The following MACROD2 variants were observed in gnomAD, a reference collection of about 807,000 sequenced individuals.
The protein encoded by MACROD2 is mono-ADP ribosylhydrolase 2.
Under a neutral mutation model 70.4 loss-of-function variants are expected in MACROD2, and 36 were observed. That is an observed-to-expected ratio of 0.51 (90% CI 0.39 to 0.68). The LOEUF is 0.68. Among genes scored for constraint, MACROD2 ranks in the 30% least tolerant of loss-of-function variants. MACROD2 has a pLI of 0.00. For missense variants in MACROD2, 496 were observed against 538.4 expected, an observed-to-expected ratio of 0.92 and a Z score of 0.78; for synonymous variants, 172 against 178.8, an observed-to-expected ratio of 0.96 and a Z score of 0.30.
chr20:14,910,107 C>T (rs1261924493), intron 5 of MACROD2, among the ~76,000 whole-genome samples: 1 of 152,136 alleles, frequency 6.6e-6, no homozygotes, highest in East Asian at 1.9e-4. Flanking sequence ...AATGTTTGAA[C>T]TGGAAGGGGA....
At chr20:15,529,304 G>A (rs184218198) in intron 8 of MACROD2, among the ~76,000 whole-genome samples, 7 of 152,168 alleles carry the variant, frequency 4.6e-5, no homozygotes, top group Non-Finnish European at 7.4e-5. Flanking sequence ...GTGTGTGTGT[G>A]TGTGTGTAAG....
rs1979343624 is a variant in MACROD2, at chr20:14,560,317, AC to A, written c.301+66810del. Among the ~76,000 whole-genome samples the A allele has an allele frequency of 5.3e-5, 8 of 151,404 alleles. No individual in the cohort carries two copies. In the South Asian group the frequency reaches 1.7e-3, roughly 32 times the overall value. On this transcript the variant is annotated intron_variant, in intron 4 of 17. Transcript: ENST00000684519. Reference sequence around the variant, plus strand: ...ATGACTGTACTTAATGTACACACACACACACACACACACACACACACAGGTG... The same window carrying A: ...ATGACTGTACTTAATGTACACACACAACACACACACACACACACACAGGTG...
At chr20:15,782,717 C>CAAAAAAATAAAA (rs2051854395) in intron 8 of MACROD2, among the ~76,000 whole-genome samples, 2 of 83,358 alleles carry the variant, frequency 2.4e-5, no homozygotes, top group Non-Finnish European at 4.9e-5. Flanking sequence ...AGAGAAATGG[C>CAAAAAAATAAAA]AAAAAAAAAA....
chr20:15,580,608 A>G (rs2048510231), intron 8 of MACROD2, among the ~76,000 whole-genome samples: 1 of 152,210 alleles, frequency 6.6e-6, no homozygotes, highest in African/African-American at 2.4e-5. Context: ...AAGTTTTCTT[A>G]TAAACTCAAT....
chr20:15,930,422 T>G (rs546810539), intron 10 of MACROD2, among the ~76,000 whole-genome samples: 4 of 152,332 alleles, frequency 2.6e-5, no homozygotes, highest in Admixed American at 2.6e-4. Flanking sequence ...AAATGAATAC[T>G]AATCTAATTG....
At chr20:14,919,742 A>G (rs1450226555) in intron 5 of MACROD2, among the ~76,000 whole-genome samples, 1 of 152,234 alleles carries the variant, frequency 6.6e-6, no homozygotes, top group African/African-American at 2.4e-5. Flanking sequence ...TGAACAACAA[A>G]AACAAACAAA....
chr20:14,578,210 A>G (rs555443306), intron 4 of MACROD2, among the ~76,000 whole-genome samples: 2 of 151,540 alleles, frequency 1.3e-5, no homozygotes, highest in African/African-American at 4.8e-5. Flanking sequence ...CTTTTCACAA[A>G]TTGAGAAAAA....
At chr20:15,354,856 A>G (rs1233415705) in intron 6 of MACROD2, among the ~76,000 whole-genome samples, 1 of 152,216 alleles carries the variant, frequency 6.6e-6, no homozygotes, top group East Asian at 1.9e-4. Flanking sequence ...TGGAGAATAT[A>G]AAGTTGTATC....
chr20:15,656,447 T>A (rs2049731927), intron 8 of MACROD2, among the ~76,000 whole-genome samples: 1 of 152,202 alleles, frequency 6.6e-6, no homozygotes, highest in African/African-American at 2.4e-5. Context: ...AGGAGAGCTG[T>A]ATCTTATTAC....
intron 7 of MACROD2, among the ~76,000 whole-genome samples, chr20:15,465,518 A>G (rs2046874038): frequency 6.6e-6 from 1 of 152,216 alleles, no homozygotes; most frequent in East Asian, 1.9e-4. Flanking sequence ...AGCAGGCAGA[A>G]TTTTCTCCTC....
chr20:14,519,404 A>G (rs1282743716), intron 4 of MACROD2, among the ~76,000 whole-genome samples: 10 of 152,114 alleles, frequency 6.6e-5, no homozygotes, highest in African/African-American at 2.4e-4. Context: ...AACTAGGGGG[A>G]AAAGGACTGA....
intron 5 of MACROD2, among the ~76,000 whole-genome samples, chr20:15,073,466 A>AACACACACACACACAC (rs11468103): frequency 2.1e-5 from 3 of 143,952 alleles, no homozygotes; most frequent in East Asian, 2.1e-4. Flanking sequence ...TAATTCTCCC[A>AACACACACACACACAC]ACACACACAC....
chr20:14,684,429 T>C (rs934249446), intron 4 of MACROD2, among the ~76,000 whole-genome samples: 1 of 152,164 alleles, frequency 6.6e-6, no homozygotes, highest in Non-Finnish European at 1.5e-5. Context: ...AGAGGCAACA[T>C]GTACCAGCTC....
Position 15,283,872 on chromosome 20 carries a change from T to G in MACROD2, c.540+53811T>G, listed in dbSNP as rs530590725. Among the ~76,000 whole-genome samples, 13 of 152,308 alleles carry G rather than the reference T, an allele frequency of 8.5e-5. No homozygotes were observed. In the East Asian group the frequency reaches 2.3e-3, roughly 27 times the overall value. On this transcript the variant is annotated intron_variant, in intron 6 of 17. Coordinates refer to ENST00000684519, the MANE Select transcript of MACROD2 (RefSeq NM_001351661.2). ...AACAATAGGATAATAAACTCCCATATACCCATTATATAGCTTCAACAATGG... is the reference window on the plus strand; with the variant it reads ...AACAATAGGATAATAAACTCCCATAGACCCATTATATAGCTTCAACAATGG...
At chr20:14,890,384 T>C (rs911231259) in intron 5 of MACROD2, among the ~76,000 whole-genome samples, 2 of 152,018 alleles carry the variant, frequency 1.3e-5, no homozygotes, top group Admixed American at 1.3e-4. Context: ...TAAGAAGATA[T>C]GACCAGTGAT....
At chr20:14,011,956 T>C (rs1260020234) in intron 2 of MACROD2, among the ~76,000 whole-genome samples, 1 of 152,178 alleles carries the variant, frequency 6.6e-6, no homozygotes, top group African/African-American at 2.4e-5. Context: ...TCGCCCAGGC[T>C]GGGGTACAGT....
chr20:15,393,448 C>T (rs1440561861), intron 6 of MACROD2, among the ~76,000 whole-genome samples: 1 of 152,212 alleles, frequency 6.6e-6, no homozygotes, highest in African/African-American at 2.4e-5. Context: ...TTTGACTCTT[C>T]TGTCTTTCCA....
At chr20:14,505,043 G>T (rs2123132847) in intron 4 of MACROD2, among the ~76,000 whole-genome samples, 1 of 152,204 alleles carries the variant, frequency 6.6e-6, no homozygotes, top group African/African-American at 2.4e-5. Context: ...TATTCATGTA[G>T]ATATAGAAAC....
At chr20:14,001,497 G>A (rs966046325) in intron 1 of MACROD2, among the ~76,000 whole-genome samples, 1 of 151,248 alleles carries the variant, frequency 6.6e-6, no homozygotes, top group Admixed American at 6.6e-5. Flanking sequence ...CTTACTATTT[G>A]TACATACCTG....
Sources: allele counts gnomAD v4.1 joint callset (sites outside exome capture counted in the v4.1 genomes callset), GRCh38; gene constraint gnomAD v4.1.1; transcripts MANE v1.5; gene names NCBI Gene and HGNC (gene_info 2026-07-23, HGNC 2026-07-21).